WNK3: variants seen among roughly 807,000 people sequenced by gnomAD.
WNK3 encodes the protein WNK lysine deficient protein kinase 3, also known as serine/threonine-protein kinase WNK3.
In WNK3, 18 loss-of-function variants were observed where a neutral mutation model predicts 116.7. That is an observed-to-expected ratio of 0.15 (90% CI 0.11 to 0.23). WNK3 has a LOEUF of 0.23. Ranked by LOEUF, WNK3 falls within the 10% of genes least tolerant of loss-of-function variation. The pLI is 1.00. For synonymous variants in WNK3, 404 were observed against 469.4 expected (o/e 0.86, Z 1.80); for missense variants, 993 against 1,323.8 (o/e 0.75, Z 3.88).
exon 17 of WNK3, chrX:54,249,436 G>A: frequency 8.3e-7 from 1 of 1,211,376 alleles, no homozygotes; most frequent in Non-Finnish European, 1.1e-6. Context: ...AGTAACTGGT[G>A]CCATTATCTG....
At chrX:54,319,193 C>T (rs2069000231) in intron 2 of WNK3, among the ~76,000 whole-genome samples, 1 of 110,530 alleles carries the variant, frequency 9.0e-6, no homozygotes, top group Admixed American at 9.7e-5. Flanking sequence ...GACAGGGTGT[C>T]ACTCTGTCAC....
At chrX:54,236,856 C>T (rs962845525) in intron 20 of WNK3, 82 bp downstream of exon 20, 5 of 1,044,715 alleles carry the variant, frequency 4.8e-6, no homozygotes, top group Non-Finnish European at 6.4e-6. Context: ...TGTCACCAAT[C>T]CTAAATTAGT....
At chrX:54,320,377 A>G (rs1557171938) in intron 2 of WNK3, among the ~76,000 whole-genome samples, 1 of 112,280 alleles carries the variant, frequency 8.9e-6, no homozygotes, top group African/African-American at 3.2e-5. Flanking sequence ...CAGAGGCTAC[A>G]TGGATCTGTT....
chrX:54,236,854 A>G (rs2067966577), intron 20 of WNK3, 84 bp downstream of exon 20: 1 of 1,034,500 alleles, frequency 9.7e-7, no homozygotes, highest in African/African-American at 1.9e-5. Flanking sequence ...AATGTCACCA[A>G]TCCTAAATTA....
exon 24 of WNK3, chrX:54,198,547 A>T (rs1569534710): frequency 8.3e-7 from 1 of 1,208,506 alleles, no homozygotes; most frequent in African/African-American, 1.8e-5. Context: ...TGGCCCAGGA[A>T]ATGAAGGGAG....
intron 2 of WNK3, among the ~76,000 whole-genome samples, chrX:54,326,432 A>G (rs1252063111): frequency 9.0e-6 from 1 of 111,573 alleles, no homozygotes; most frequent in African/African-American, 3.2e-5. Context: ...AGCCAGGTAC[A>G]GTGGCTCATG....
Position 54,293,116 on chromosome X carries a change from T to C in WNK3, c.1887+18A>G. 2 of 1,187,601 alleles carry C rather than the reference T, an allele frequency of 1.7e-6. No homozygotes were observed. The highest frequency in any genetic ancestry group is 2.3e-6 in the Non-Finnish European group (2 of 883,829). ...AATACACTGATTATATATTTAAAAA[T>C]ATAACAGTTCACCTCACCCCTGAAA... On this transcript the variant is annotated intron_variant, in intron 9 of 23. Coordinates refer to ENST00000354646, the Ensembl canonical transcript of WNK3.
intron 10 of WNK3, among the ~76,000 whole-genome samples, chrX:54,278,992 C>A (rs895268316): frequency 1.8e-5 from 2 of 110,737 alleles, no homozygotes; most frequent in Non-Finnish European, 3.8e-5. Context: ...CACTTGAACC[C>A]GGGAGGCGGA....
chrX:54,298,107 T>G, intron 7 of WNK3, 68 bp downstream of exon 7: 1 of 751,836 alleles, frequency 1.3e-6, no homozygotes, highest in Non-Finnish European at 2.0e-6. Context: ...AAGAAAGCAA[T>G]GAGAAGGAGC....
intron 7 of WNK3, 55 bp downstream of exon 7, chrX:54,298,120 G>A: frequency 1.2e-6 from 1 of 819,969 alleles, no homozygotes; most frequent in Non-Finnish European, 1.8e-6. Flanking sequence ...GAAGGAGCAA[G>A]GAATGAACTC....
chrX:54,294,850 A>G lies in WNK3; in HGVS notation c.1399-3T>C. The G allele has an allele frequency of 8.6e-7, 1 of 1,163,402 alleles. No individual in the cohort carries two copies. Among genetic ancestry groups the G allele is most frequent in the South Asian group, 2.0e-5 (1 of 50,263 alleles). ...TCATGGAAGAACCCAGACTTGACCT[A>G]CAAACAAAACATAATAAGCAAACTA... On this transcript the variant is annotated splice_polypyrimidine_tract_variant and splice_region_variant and intron_variant, in intron 7 of 23. Transcript: ENST00000354646.
chrX:54,298,274 T>C, exon 7 of WNK3: 1 of 1,210,274 alleles, frequency 8.3e-7, no homozygotes, highest in Non-Finnish European at 1.1e-6. Flanking sequence ...TTTTAGGGTC[T>C]TCAACCCAGA....
intron 20 of WNK3, 120 bp downstream of exon 20, chrX:54,236,818 C>T: frequency 1.2e-6 from 1 of 841,320 alleles, no homozygotes; most frequent in Non-Finnish European, 1.6e-6. Flanking sequence ...TTAGCATTAG[C>T]ATTCTTTGTA....
intron 17 of WNK3, among the ~76,000 whole-genome samples, chrX:54,248,231 T>TA (rs782354082): frequency 1.4e-3 from 147 of 101,433 alleles, no homozygotes; most frequent in African/African-American, 3.7e-3. Flanking sequence ...GTCTAGGGTT[T>TA]AAAAAAAAAA....
At chrX:54,222,940 A>ATATATATATAT (rs869180374) in intron 22 of WNK3, among the ~76,000 whole-genome samples, 4 of 86,431 alleles carry the variant, frequency 4.6e-5, no homozygotes, top group African/African-American at 2.4e-4. Context: ...ATATATATAT[A>ATATATATATAT]AAAAAAGACA....
chrX:54,249,481 T>A lies in WNK3; in HGVS notation c.2867A>T (p.Gln956Leu), dbSNP rs1470882013. The A allele has an allele frequency of 4.1e-6, 5 of 1,210,099 alleles. No homozygotes were observed. In the African/African-American group the frequency reaches 7.0e-5, roughly 17 times the overall value. The stretch of plus-strand genomic sequence containing the variant: ...TTCCACTTGATAAAGTATAGCTGGC[T>A]GCTTGGTTTCTACACTAGCACATTC... Residue 956 changes from glutamine to leucine, a missense_variant, in exon 17 of 24, where the codon CAG becomes CTG. Transcript: ENST00000354646.
chrX:54,284,158 G>A (rs1557163411), intron 10 of WNK3, among the ~76,000 whole-genome samples: 1 of 111,081 alleles, frequency 9.0e-6, no homozygotes, highest in African/African-American at 3.3e-5. Context: ...ATCTGACAAG[G>A]GACTTGTATA....
In WNK3 at chrX:54,302,278, CA is replaced by C. The variant is rs1273171667; in HGVS notation, c.1090-420del. Among the ~76,000 whole-genome samples, 5 of 111,543 alleles carry C rather than the reference CA, an allele frequency of 4.5e-5. No homozygotes were observed. The East Asian group carries it at 1.4e-3, about 31-fold the overall frequency. On this transcript the variant is annotated intron_variant, in intron 5 of 23. Transcript: ENST00000354646. ...CTACATACAGTATAATCCCAATTAA[CA>C]ATATATAATAAACAAGTTTATTTAT...
At chrX:54,214,344 G>A (rs953759444) in intron 22 of WNK3, among the ~76,000 whole-genome samples, 2 of 111,064 alleles carry the variant, frequency 1.8e-5, no homozygotes, top group African/African-American at 6.5e-5. Flanking sequence ...TGGTTTCATT[G>A]GAAAAATTTC....
Sources: allele counts gnomAD v4.1 joint callset (sites outside exome capture counted in the v4.1 genomes callset), GRCh38; gene constraint gnomAD v4.1.1; transcripts MANE v1.5; gene names NCBI Gene and HGNC (gene_info 2026-07-23, HGNC 2026-07-21).